Variants in ARHGEF26 observed in about 807,000 individuals in gnomAD.
ARHGEF26 encodes the protein Rho guanine nucleotide exchange factor 26.
Under a neutral mutation model 89.4 loss-of-function variants are expected in ARHGEF26, and 59 were observed. That is an observed-to-expected ratio of 0.66 (90% CI 0.54 to 0.82). ARHGEF26 has a LOEUF of 0.82. Among genes scored for constraint, ARHGEF26 ranks in the 40% least tolerant of loss-of-function variants. The pLI is 0.00. For missense variants in ARHGEF26, 1,234 were observed against 1,085.6 expected, an observed-to-expected ratio of 1.14 and a Z score of -1.92; for synonymous variants, 500 against 428.4, an observed-to-expected ratio of 1.17 and a Z score of -2.06.
intron 9 of ARHGEF26, among the ~76,000 whole-genome samples, chr3:154,205,653 A>G (rs1403028069): frequency 6.6e-6 from 1 of 151,324 alleles, no homozygotes; most frequent in Admixed American, 6.6e-5. Context: ...TTTGCTTTTT[A>G]TTTTTTGTGT....
At chr3:154,246,188 G>A (rs1272292481) in intron 12 of ARHGEF26, among the ~76,000 whole-genome samples, 2 of 152,146 alleles carry the variant, frequency 1.3e-5, no homozygotes, top group East Asian at 3.9e-4. Flanking sequence ...TGATATTTGA[G>A]CCTTGAGTGA....
chr3:154,173,292 G>A (rs1403727154), intron 6 of ARHGEF26, among the ~76,000 whole-genome samples: 3 of 142,728 alleles, frequency 2.1e-5, no homozygotes, highest in African/African-American at 7.8e-5. Flanking sequence ...ATTGGATTTA[G>A]CTTCTGTTAC....
intron 4 of ARHGEF26, among the ~76,000 whole-genome samples, chr3:154,138,582 G>A (rs1719163357): frequency 6.6e-6 from 1 of 152,206 alleles, no homozygotes; most frequent in Admixed American, 6.5e-5. Flanking sequence ...TGCACCAGTT[G>A]CCCGAGGGTA....
rs377201151 is a variant in ARHGEF26, at chr3:154,253,198, G to A, written c.2368+15G>A. ...AGACCGAACCTGTAAGTTCTCTCAA[G>A]GGGAAGCCCACTTGGGAACATGGAT... On this transcript the variant is annotated intron_variant, in intron 13 of 14. Coordinates refer to ENST00000465093, the MANE Select transcript of ARHGEF26 (RefSeq NM_015595.4). The A allele has an allele frequency of 4.0e-5, 64 of 1,613,824 alleles. No homozygotes were observed. The African/African-American group carries it at 8.4e-4, about 21-fold the overall frequency.
At chr3:154,241,100 C>T (rs974088322) in intron 12 of ARHGEF26, among the ~76,000 whole-genome samples, 6 of 152,282 alleles carry the variant, frequency 3.9e-5, no homozygotes, top group South Asian at 2.1e-4. Context: ...CCAAAACAGG[C>T]GTCCTGTTGG....
rs775562063 is a variant in ARHGEF26, at chr3:154,225,945, G to A, written c.2025G>A (p.Arg675=). The A allele has an allele frequency of 6.2e-7, 1 of 1,613,202 alleles. No individual in the cohort carries two copies. Among genetic ancestry groups the A allele is most frequent in the South Asian group, 1.1e-5 (1 of 90,970 alleles). ...YVEDTVLFSR[R]TSKQQVYFFL... ...AAGACACTGTGCTTTTCTCAAGAAG[G>A]ACATCCAAACAGCAAGTCTACTTCT... Residue 675 remains arginine, a synonymous_variant, in exon 11 of 15, where the codon AGG becomes AGA. Coordinates refer to ENST00000465093, the MANE Select transcript of ARHGEF26 (RefSeq NM_015595.4).
intron 6 of ARHGEF26, among the ~76,000 whole-genome samples, chr3:154,186,931 C>T (rs1456694825): frequency 1.9e-5 from 2 of 104,058 alleles, no homozygotes; most frequent in African/African-American, 3.8e-5. Context: ...GAGTCTCTGT[C>T]GCCAGGCTGG....
rs1458903443 is a variant in ARHGEF26 at position 154,152,791 on chromosome 3, C to T, written c.1346C>T (p.Ser449Phe). The T allele has an allele frequency of 1.3e-6, 2 of 1,540,510 alleles. No homozygotes were observed. Among genetic ancestry groups the T allele is most frequent in the Admixed American group, 4.0e-5 (2 of 49,982 alleles). Residue 449 changes from serine to phenylalanine, a missense_variant, in exon 6 of 15, where the codon TCC becomes TTC. Transcript: ENST00000465093. Reference protein sequence around the residue: ...KRQEAIFEVISSEHSYLLSLE... With the variant: ...KRQEAIFEVIFSEHSYLLSLE... ...TACCAGGCTATCTTTGAAGTCATAT[C>T]CTCTGAACATTCATATTTACTCAGC...
intron 4 of ARHGEF26, among the ~76,000 whole-genome samples, chr3:154,132,395 C>T (rs962617722): frequency 6.6e-6 from 1 of 152,116 alleles, no homozygotes; most frequent in African/African-American, 2.4e-5. Context: ...TAACCACTAT[C>T]CCTGACGTTC....
chr3:154,196,377 C>T (rs972699085), intron 9 of ARHGEF26, among the ~76,000 whole-genome samples: 1 of 152,080 alleles, frequency 6.6e-6, no homozygotes, highest in Admixed American at 6.5e-5. Context: ...GAGGTTGGCA[C>T]AGAGGAGCAA....
Position 154,194,684 on chromosome 3 carries a change from A to G in ARHGEF26, c.1811A>G (p.Glu604Gly), listed in dbSNP as rs1208440139. 1 of 1,612,920 alleles carries G rather than the reference A, an allele frequency of 6.2e-7. No homozygotes were observed. Among genetic ancestry groups the G allele is most frequent in the South Asian group, 1.1e-5 (1 of 90,654 alleles). ...ACACCTAAGGACTCTCCGAAGTATG[A>G]AGTCTGCAAAAGAGCCTTGAAGGAA... is the stretch of plus-strand genomic sequence containing the variant. Reference protein sequence around the residue: ...QKTPKDSPKYEVCKRALKEVS... With the variant: ...QKTPKDSPKYGVCKRALKEVS... The change falls in exon 9 of 15, where the codon GAA becomes GGA. Residue 604 changes from glutamate to glycine, a missense_variant. By Grantham distance (98) the Glu-to-Gly change is moderately conservative. Transcript: ENST00000465093.
At chr3:154,185,083 G>A (rs1199185543) in intron 6 of ARHGEF26, among the ~76,000 whole-genome samples, 3 of 152,128 alleles carry the variant, frequency 2.0e-5, no homozygotes, top group African/African-American at 7.2e-5. Context: ...TACCACAAGA[G>A]TGGTCACTCT....
rs752791092 is a variant in ARHGEF26, at chr3:154,122,426, G to GC, written c.440dup (p.Arg148AlafsTer4). On this transcript the variant is annotated frameshift_variant, in exon 2 of 15. Transcript: ENST00000465093. LOFTEE classifies it high-confidence loss of function. ...GCGCCGCCGCCGCCGCCGGTTCTGC[G>GC]CCCCCCGCGGACTCCTAACGCGCCC... 3.1e-6 allele frequency: 5 copies of GC among 1,611,032 alleles called. No homozygotes were observed. Among genetic ancestry groups the GC allele is most frequent in the African/African-American group, 1.3e-5 (1 of 74,970 alleles).
At chr3:154,229,084 T>G (rs998967341) in intron 11 of ARHGEF26, among the ~76,000 whole-genome samples, 1 of 152,232 alleles carries the variant, frequency 6.6e-6, no homozygotes, top group African/African-American at 2.4e-5. Context: ...CCCCTCCACT[T>G]CACAGTGCAT....
intron 11 of ARHGEF26, among the ~76,000 whole-genome samples, chr3:154,239,297 A>AGTGTGTGTGT (rs1717337753): frequency 1.9e-5 from 1 of 52,952 alleles, no homozygotes; most frequent in African/African-American, 7.1e-5. Context: ...AGAGAGAGAG[A>AGTGTGTGTGT]GAGTGTGTGT....
In ARHGEF26 at chr3:154,254,153, G is replaced by A. The variant is rs569629778; in HGVS notation, c.2369-567G>A. ...GATGGTCCCAATCTCCTGACCTCGT[G>A]ATCCGCCTGCCTCGGCCTCCCAAAG... On this transcript the variant is annotated intron_variant, in intron 13 of 14. Transcript: ENST00000465093. 3.3e-5 allele frequency among the ~76,000 whole-genome samples: 5 copies of A among 152,214 alleles called. No homozygotes were observed. In the South Asian group the frequency reaches 8.3e-4, roughly 25 times the overall value.
At chr3:154,157,585 A>G (rs13071409) in intron 6 of ARHGEF26, among the ~76,000 whole-genome samples, 2 of 152,234 alleles carry the variant, frequency 1.3e-5, no homozygotes, top group African/African-American at 2.4e-5. Flanking sequence ...ATTTGAGGCA[A>G]TTGAAGTAAC....
intron 12 of ARHGEF26, among the ~76,000 whole-genome samples, chr3:154,243,507 CATTCTGT>C (rs1717598687): frequency 6.6e-6 from 1 of 152,170 alleles, no homozygotes; most frequent in Non-Finnish European, 1.5e-5. Flanking sequence ...TTTCCTGGGA[CATTCTGT>C]AGCATTTGTT....
intron 11 of ARHGEF26, among the ~76,000 whole-genome samples, chr3:154,236,673 A>G (rs1447939245): frequency 6.6e-6 from 1 of 152,190 alleles, no homozygotes; most frequent in Non-Finnish European, 1.5e-5. Flanking sequence ...ACATGGGGTA[A>G]ATAAGCAGAG....
Sources: gnomAD v4.1 joint callset for allele counts (sites outside exome capture counted in the v4.1 genomes callset) on GRCh38, gnomAD v4.1.1 for gene constraint, MANE v1.5 for transcripts, NCBI Gene and HGNC (gene_info 2026-07-23, HGNC 2026-07-21) for gene names.